DDX10: variants seen among roughly 807,000 people sequenced by gnomAD.
DDX10 encodes probable ATP-dependent RNA helicase DDX10.
Under a neutral mutation model 104.3 loss-of-function variants are expected in DDX10, and 74 were observed. That is an observed-to-expected ratio of 0.71 (90% confidence interval 0.59 to 0.86). DDX10 has a LOEUF of 0.86. Ranked by LOEUF, DDX10 falls within the 40% of genes least tolerant of loss-of-function variation. The pLI is 0.00. For missense variants in DDX10, 952 were observed against 1,040.0 expected, an observed-to-expected ratio of 0.92 and a Z score of 1.16; for synonymous variants, 351 against 353.4, an observed-to-expected ratio of 0.99 and a Z score of 0.08.
intron 13 of DDX10, among the ~76,000 whole-genome samples, chr11:108,815,568 G>A (rs914324166): frequency 2.6e-5 from 4 of 152,132 alleles, no homozygotes; most frequent in Non-Finnish European, 4.4e-5. Flanking sequence ...CTGTGTACTT[G>A]TATAATGTCA....
intron 16 of DDX10, among the ~76,000 whole-genome samples, chr11:108,877,155 G>A (rs1275436642): frequency 1.3e-5 from 2 of 152,108 alleles, no homozygotes; most frequent in Non-Finnish European, 2.9e-5. Context: ...TGAAATCCTC[G>A]TTGTCTTGTG....
chr11:108,731,950 T>C (rs762833977), intron 13 of DDX10, among the ~76,000 whole-genome samples: 2 of 152,202 alleles, frequency 1.3e-5, no homozygotes, highest in African/African-American at 2.4e-5. Context: ...TTGCTCATGT[T>C]TTAGAATTGT....
intron 13 of DDX10, among the ~76,000 whole-genome samples, chr11:108,758,116 A>C (rs2094346678): frequency 6.6e-6 from 1 of 151,928 alleles, no homozygotes; most frequent in Non-Finnish European, 1.5e-5. Flanking sequence ...ACTGTTTCAA[A>C]TGTCCTCCAA....
rs755087241 is a variant in DDX10 at position 108,691,881 on chromosome 11, G to A, written c.981G>A (p.Gln327=). 2.5e-6 allele frequency: 4 copies of A among 1,613,766 alleles called. No homozygotes were observed. The highest frequency in any genetic ancestry group is 3.4e-6 in the Non-Finnish European group (4 of 1,179,870). ...TTCTTCTGTTGATGCCCCAGGTCCAGTATCTGTACCGAGTGTTTTGCCGGC... is the reference window on the plus strand; with the variant it reads ...TTCTTCTGTTGATGCCCCAGGTCCAATATCTGTACCGAGTGTTTTGCCGGC... ...IVFFSSCKEV[Q]YLYRVFCRLR... Residue 327 remains glutamine (Q), a synonymous_variant, in exon 8 of 18, where the codon CAG becomes CAA. Coordinates refer to ENST00000322536, the MANE Select transcript of DDX10 (RefSeq NM_004398.4).
In DDX10 at chr11:108,838,513, T is replaced by C. The variant is rs796357237; in HGVS notation, c.2033T>C (p.Met678Thr). Residue 678 changes from methionine to threonine, a missense_variant, in exon 14 of 18, where the codon ATG becomes ACG. Physicochemically the swap from Met to Thr is moderately conservative, Grantham distance 81. Transcript: ENST00000322536. The stretch of plus-strand genomic sequence containing the variant: ...AAAGTTGCAGAAGCAAAAAAAGTAA[T>C]GAAGAGAAATTTTAAAGTGAATAAG... ...MTKVAEAKKV[M>T]KRNFKVNKKI... is the part of the protein sequence containing the mutation. The C allele has an allele frequency of 6.2e-7, 1 of 1,612,808 alleles. No individual in the cohort carries two copies. The highest frequency in any genetic ancestry group is 8.5e-7 in the Non-Finnish European group (1 of 1,179,408).
At position 108,803,149 on chromosome 11, in the gene DDX10, T is replaced by A. The variant is rs546560798; in HGVS notation, c.1966-35297T>A. Reference sequence around the variant, plus strand: ...TCTTACTTTTCAAATTAATGATTCTTTGCCAGCAGCATTCTTGCAATATAT... The same window carrying A: ...TCTTACTTTTCAAATTAATGATTCTATGCCAGCAGCATTCTTGCAATATAT... On this transcript the variant is annotated intron_variant, in intron 13 of 17. Transcript: ENST00000322536. Among the ~76,000 whole-genome samples, 170 of 148,952 alleles carry A rather than the reference T, an allele frequency of 1.1e-3. 1 individual carries two copies. The highest frequency in any genetic ancestry group is 1.7e-3 in the Non-Finnish European group (116 of 68,026).
At chr11:108,826,116 TGATGCGA>T (rs1322605048) in intron 13 of DDX10, among the ~76,000 whole-genome samples, 1 of 152,226 alleles carries the variant, frequency 6.6e-6, no homozygotes, top group East Asian at 1.9e-4. Flanking sequence ...AAAGGTTTTT[TGATGCGA>T]AAACAATTAT....
chr11:108,725,859 C>G, intron 13 of DDX10, among the ~76,000 whole-genome samples: 1 of 151,954 alleles, frequency 6.6e-6, no homozygotes, highest in Non-Finnish European at 1.5e-5. Flanking sequence ...GTGATTGACC[C>G]AAAGTCACAG....
At position 108,696,195 on chromosome 11, in the gene DDX10, G is replaced by T. The variant is rs546692133; in HGVS notation, c.1223+2595G>T. Among the ~76,000 whole-genome samples the T allele has an allele frequency of 3.3e-5, 5 of 151,228 alleles. No homozygotes were observed. The East Asian group carries it at 9.7e-4, about 29-fold the overall frequency. ...TGTTTTGTTCTGTTTTGTTTTTTTT[G>T]AGACAGAGTGTCGCTCTGTCACCCA... On this transcript the variant is annotated intron_variant, in intron 9 of 17. Coordinates refer to ENST00000322536, the MANE Select transcript of DDX10 (RefSeq NM_004398.4).
At chr11:108,836,466 T>G (rs1025546495) in intron 13 of DDX10, among the ~76,000 whole-genome samples, 1 of 152,176 alleles carries the variant, frequency 6.6e-6, no homozygotes, top group Non-Finnish European at 1.5e-5. Context: ...GGTTTGTTAT[T>G]TTTAATTGCA....
chr11:108,671,196 C>T (rs577641198), intron 1 of DDX10, among the ~76,000 whole-genome samples: 12 of 152,244 alleles, frequency 7.9e-5, no homozygotes, highest in Non-Finnish European at 1.3e-4. Context: ...TAGAGTCTCG[C>T]TCTGTTGCCC....
At chr11:108,922,273 A>AGG (rs1863843957) in intron 17 of DDX10, 1 of 149,126 alleles carries the variant, frequency 6.7e-6, no homozygotes, top group Non-Finnish European at 1.5e-5. Flanking sequence ...AAAGAGAGAG[A>AGG]GAGAGAGAGA....
At chr11:108,686,266 T>C (rs1346007502) in intron 6 of DDX10, among the ~76,000 whole-genome samples, 1 of 152,212 alleles carries the variant, frequency 6.6e-6, no homozygotes, top group East Asian at 1.9e-4. Flanking sequence ...ACCCAAAGTC[T>C]GTTACTTTAG....
intron 11 of DDX10, among the ~76,000 whole-genome samples, chr11:108,719,329 G>T (rs1299521097): frequency 6.6e-6 from 1 of 152,004 alleles, no homozygotes; most frequent in Non-Finnish European, 1.5e-5. Flanking sequence ...CAGAAAATAT[G>T]CTAGGTATCT....
At chr11:108,829,884 T>A (rs1202983631) in intron 13 of DDX10, among the ~76,000 whole-genome samples, 3 of 152,140 alleles carry the variant, frequency 2.0e-5, no homozygotes, top group Non-Finnish European at 2.9e-5. Flanking sequence ...GCACTTGGCT[T>A]TATTTCTGGG....
At chr11:108,724,552 A>C (rs2094302803) in intron 13 of DDX10, among the ~76,000 whole-genome samples, 1 of 152,096 alleles carries the variant, frequency 6.6e-6, no homozygotes, top group Non-Finnish European at 1.5e-5. Context: ...GTACTGTCTC[A>C]TCCTGCTTCA....
intron 13 of DDX10, among the ~76,000 whole-genome samples, chr11:108,754,146 TCTG>T (rs2094341774): frequency 6.6e-6 from 1 of 152,058 alleles, no homozygotes; most frequent in Non-Finnish European, 1.5e-5. Flanking sequence ...CAGATTTGAT[TCTG>T]CTGTGTTGTC....
intron 6 of DDX10, among the ~76,000 whole-genome samples, chr11:108,681,205 A>C (rs746703710): frequency 6.6e-6 from 1 of 152,054 alleles, no homozygotes; most frequent in Non-Finnish European, 1.5e-5. Flanking sequence ...CCTATCCCCA[A>C]TTTCTGTAGG....
At chr11:108,718,988 C>T (rs1371165119) in intron 11 of DDX10, among the ~76,000 whole-genome samples, 1 of 151,298 alleles carries the variant, frequency 6.6e-6, no homozygotes, top group East Asian at 1.9e-4. Context: ...ATATACTTTA[C>T]AAAAGTCAAC....
Sources: allele counts gnomAD v4.1 joint callset (sites outside exome capture counted in the v4.1 genomes callset), GRCh38; gene constraint gnomAD v4.1.1; transcripts MANE v1.5; gene names NCBI Gene and HGNC (gene_info 2026-07-23, HGNC 2026-07-21).